The following LDB3 variants were observed in gnomAD, a reference collection of about 807,000 sequenced individuals.
LDB3 encodes the protein LIM domain-binding protein 3.
A neutral mutation model predicts 69.0 loss-of-function variants in LDB3; 49 were observed. That is an observed-to-expected ratio of 0.71 (90% CI 0.56 to 0.90). The LOEUF is 0.90. LDB3 is among the 40% of genes least tolerant of loss of function. The pLI, the probability that LDB3 is intolerant of heterozygous loss-of-function variation, is 0.00. For synonymous variants in LDB3, 387 were observed against 396.2 expected, an observed-to-expected ratio of 0.98 and a Z score of 0.28; for missense variants, 928 against 974.1, an observed-to-expected ratio of 0.95 and a Z score of 0.63.
chr10:86,731,644 T>C (rs1039996855), intron 13 of LDB3, among the ~76,000 whole-genome samples: 6 of 152,188 alleles, frequency 3.9e-5, no homozygotes, highest in African/African-American at 1.4e-4. Flanking sequence ...CAGGTTGTTT[T>C]GTTGTTCTGC....
intron 13 of LDB3, chr10:86,732,478 A>G (rs7916248): frequency 0.38 from 171,971 of 454,624 alleles, 33,993 homozygotes; most frequent in East Asian, 0.64. Flanking sequence ...CCTTTTCTCT[A>G]GAATGCATGG....
chr10:86,672,091 G>GA (rs34677208), intron 2 of LDB3, among the ~76,000 whole-genome samples: 43,526 of 151,880 alleles, frequency 0.29, 7,205 homozygotes, highest in East Asian at 0.46. Context: ...CATTCTGGGG[G>GA]CAGAGTGAGA....
At chr10:86,691,602 C>T (rs1355408564) in intron 5 of LDB3, among the ~76,000 whole-genome samples, 1 of 152,122 alleles carries the variant, frequency 6.6e-6, no homozygotes, top group East Asian at 1.9e-4. Flanking sequence ...TAAAGGGAAT[C>T]TAGGGGTGGA....
At chr10:86,685,691 C>G (rs772657845) in intron 5 of LDB3, 1 of 1,614,190 alleles carries the variant, frequency 6.2e-7, no homozygotes, top group East Asian at 2.2e-5. Context: ...GTAGTCAACT[C>G]TCCAGCCAAG....
At chr10:86,702,362 G>A (rs762243095) in intron 7 of LDB3, among the ~76,000 whole-genome samples, 2 of 152,044 alleles carry the variant, frequency 1.3e-5, no homozygotes, top group Admixed American at 6.6e-5. Context: ...TAATATCATA[G>A]TTATCAATAA....
At chr10:86,686,086 C>G (rs1845453371) in intron 5 of LDB3, among the ~76,000 whole-genome samples, 1 of 152,158 alleles carries the variant, frequency 6.6e-6, no homozygotes, top group African/African-American at 2.4e-5. Context: ...TGGATCTTGT[C>G]TGCCCGGGGA....
At chr10:86,715,141 C>T (rs543133223) in intron 9 of LDB3, among the ~76,000 whole-genome samples, 2 of 152,214 alleles carry the variant, frequency 1.3e-5, no homozygotes, top group South Asian at 4.2e-4. Flanking sequence ...AAACCTTCCT[C>T]TCCAGGTTGA....
chr10:86,685,980 C>T (rs530984949), intron 5 of LDB3, among the ~76,000 whole-genome samples: 2 of 152,046 alleles, frequency 1.3e-5, no homozygotes, highest in Admixed American at 6.5e-5. Context: ...GTGACGGTGG[C>T]GGGCGCAGGG....
intron 12 of LDB3, among the ~76,000 whole-genome samples, chr10:86,723,548 A>G (rs1847157697): frequency 6.6e-6 from 1 of 152,188 alleles, no homozygotes; most frequent in Non-Finnish European, 1.5e-5. Flanking sequence ...CCATGAGACC[A>G]CCTGGGAGTG....
At chr10:86,704,309 A>G (rs1005922834) in intron 7 of LDB3, among the ~76,000 whole-genome samples, 10 of 152,148 alleles carry the variant, frequency 6.6e-5, no homozygotes, top group Non-Finnish European at 1.2e-4. Context: ...GTGATGTTTT[A>G]CTAGAGACAC....
At chr10:86,695,058 C>T (rs1219756661) in intron 7 of LDB3, among the ~76,000 whole-genome samples, 1 of 152,230 alleles carries the variant, frequency 6.6e-6, no homozygotes, top group Non-Finnish European at 1.5e-5. Context: ...AAGTGTCTCA[C>T]TCCAGCAGAG....
chr10:86,718,271 A>T lies in LDB3; in HGVS notation c.1857+127A>T, dbSNP rs1051858082. On this transcript the variant is annotated intron_variant, in intron 11 of 13. Transcript: ENST00000361373. Reference sequence around the variant, plus strand: ...AGAAAGCAACTCCATTTTTATCCTAAAAGGGAATTGGTTTGCCACCAATAA... The same window carrying T: ...AGAAAGCAACTCCATTTTTATCCTATAAGGGAATTGGTTTGCCACCAATAA... 2.7e-5 allele frequency: 24 copies of T among 892,520 alleles called. No individual in the cohort carries two copies. The African/African-American group carries it at 3.4e-4, about 13-fold the overall frequency. The allele number at this position is 892,520 out of a possible 1,614,324, so 55.3% of individuals were successfully genotyped here. A position where few individuals can be genotyped will look rare whatever the true frequency, so the allele number is the denominator to read the frequency against.
chr10:86,711,053 G>GT (rs1025862762), intron 9 of LDB3, among the ~76,000 whole-genome samples: 12 of 152,370 alleles, frequency 7.9e-5, no homozygotes, highest in African/African-American at 2.6e-4. Flanking sequence ...GCATTTTGCA[G>GT]TAGTGAAAAG....
chr10:86,687,128 A>G, intron 5 of LDB3: 3 of 1,614,088 alleles, frequency 1.9e-6, no homozygotes, highest in Non-Finnish European at 2.5e-6. Flanking sequence ...CTGTCCACCC[A>G]CAAGCCCATC....
chr10:86,692,417 G>A (rs1013822266), intron 6 of LDB3, 118 bp from the exon 7 acceptor site: 5 of 1,025,168 alleles, frequency 4.9e-6, no homozygotes, highest in Non-Finnish European at 7.8e-6. Context: ...GACAGGCAAG[G>A]GGGCAGTCAC....
chr10:86,689,754 G>A (rs917547722), intron 5 of LDB3, among the ~76,000 whole-genome samples: 1 of 152,206 alleles, frequency 6.6e-6, no homozygotes, highest in African/African-American at 2.4e-5. Context: ...CCCATGGGAG[G>A]GGAAAGATGA....
In LDB3 at chr10:86,728,942, A is replaced by ATT. The variant is rs11394900; in HGVS notation, c.2094+2702_2094+2703dup. On this transcript the variant is annotated intron_variant, in intron 13 of 13. Coordinates refer to ENST00000361373, the MANE Select transcript of LDB3 (RefSeq NM_007078.3). ...TGGAAAACTTTGAGGGACTTGAGGG[A>ATT]TTTTTTTTTTTTTGGTCCTCTTTCT... 7.2e-4 allele frequency among the ~76,000 whole-genome samples: 105 copies of ATT among 145,670 alleles called. 1 individual carries two copies. Among genetic ancestry groups the ATT allele is most frequent in the South Asian group, 2.8e-3 (13 of 4,566 alleles).
chr10:86,697,472 C>T (rs1387923149), intron 7 of LDB3, among the ~76,000 whole-genome samples: 15 of 151,166 alleles, frequency 9.9e-5, no homozygotes, highest in Admixed American at 2.6e-4. Flanking sequence ...CCACCAGCCT[C>T]GGTCTCCCAA....
Position 86,720,450 on chromosome 10 carries a change from A to G in LDB3, c.1978+1603A>G, listed in dbSNP as rs60173708. On this transcript the variant is annotated intron_variant, in intron 12 of 13. Coordinates refer to ENST00000361373, the MANE Select transcript of LDB3 (RefSeq NM_007078.3). The stretch of plus-strand genomic sequence containing the variant: ...CACAGTAAGACTCCATCTGAAAAAA[A>G]AAAGAAAGAAAGAAAAGAAACGTCT... Among the ~76,000 whole-genome samples, 1,334 of 151,884 alleles carry G rather than the reference A, an allele frequency of 8.8e-3. 24 individuals carry two copies. Among genetic ancestry groups the G allele is most frequent in the African/African-American group, 0.029 (1,200 of 41,324 alleles).
Sources: gnomAD v4.1 joint callset for allele counts (sites outside exome capture counted in the v4.1 genomes callset) on GRCh38, gnomAD v4.1.1 for gene constraint, MANE v1.5 for transcripts, NCBI Gene and HGNC (gene_info 2026-07-23, HGNC 2026-07-21) for gene names.